The following RNF17 variants were observed in gnomAD, a reference collection of about 807,000 sequenced individuals.
RNF17 encodes spermatogenesis associated 23.
A neutral mutation model predicts 200.5 loss-of-function variants in RNF17; 31 were observed. That is an observed-to-expected ratio of 0.15 (90% CI 0.12 to 0.21). The LOEUF is 0.21. Among genes scored for constraint, RNF17 ranks in the 10% least tolerant of loss-of-function variants. The pLI, the probability that RNF17 is intolerant of heterozygous loss-of-function variation, is 1.00. For missense variants in RNF17, 1,628 were observed against 1,905.1 expected, an observed-to-expected ratio of 0.85 and a Z score of 2.71; for synonymous variants, 606 against 637.8, an observed-to-expected ratio of 0.95 and a Z score of 0.75.
intron 32 of RNF17, among the ~76,000 whole-genome samples, chr13:24,872,693 C>T (rs756243072): frequency 4.5e-4 from 69 of 152,154 alleles, no homozygotes; most frequent in Non-Finnish European, 1.6e-4. Context: ...TGTGTAATGC[C>T]GTAGGATCAC....
At position 24,844,815 on chromosome 13, in the gene RNF17, G is replaced by A. The variant is rs776374501; in HGVS notation, c.2982+13G>A. 3 of 1,605,676 alleles carry A rather than the reference G, an allele frequency of 1.9e-6. No homozygotes were observed. Among genetic ancestry groups the A allele is most frequent in the South Asian group, 1.1e-5 (1 of 89,204 alleles). On this transcript the variant is annotated intron_variant, in intron 21 of 35. Coordinates refer to ENST00000255324, the MANE Select transcript of RNF17 (RefSeq NM_031277.3). ...CACATTGGTAGAGGTAAATTACAGA[G>A]TTAAAAGTGTAATTGTGAAGGTGAA...
chr13:24,853,153 A>G (rs1411327183), intron 24 of RNF17, among the ~76,000 whole-genome samples: 1 of 152,150 alleles, frequency 6.6e-6, no homozygotes, highest in Non-Finnish European at 1.5e-5. Flanking sequence ...ACCTCAGGTG[A>G]TCTTCCTGCC....
chr13:24,860,735 T>G (rs1196393032), intron 26 of RNF17, among the ~76,000 whole-genome samples: 1 of 152,092 alleles, frequency 6.6e-6, no homozygotes, highest in Non-Finnish European at 1.5e-5. Context: ...AAAACCCAGT[T>G]TTTTTTCAAA....
At chr13:24,792,745 A>G (rs1275367641) in intron 9 of RNF17, among the ~76,000 whole-genome samples, 1 of 152,224 alleles carries the variant, frequency 6.6e-6, no homozygotes, top group Non-Finnish European at 1.5e-5. Context: ...CTGATCTGTG[A>G]AGAAGCTAAA....
intron 11 of RNF17, among the ~76,000 whole-genome samples, chr13:24,797,905 T>G (rs1395966641): frequency 2.0e-5 from 3 of 152,112 alleles, no homozygotes; most frequent in African/African-American, 7.2e-5. Context: ...ATTTGATAAC[T>G]ATACAAATAC....
chr13:24,825,483 C>A, intron 15 of RNF17, 136 bp from the exon 16 acceptor site: 1 of 655,448 alleles, frequency 1.5e-6, no homozygotes, highest in Non-Finnish European at 2.5e-6. Flanking sequence ...AAATAAATTA[C>A]GTAACACAAT....
chr13:24,826,376 T>G (rs1010144361), intron 16 of RNF17, among the ~76,000 whole-genome samples: 1 of 152,232 alleles, frequency 6.6e-6, no homozygotes, highest in East Asian at 1.9e-4. Flanking sequence ...CATTACAGAC[T>G]AAGCTTTTGT....
intron 15 of RNF17, among the ~76,000 whole-genome samples, chr13:24,816,305 G>A (rs530553967): frequency 6.6e-6 from 1 of 151,986 alleles, no homozygotes; most frequent in African/African-American, 2.4e-5. Flanking sequence ...TTGTTGCCTT[G>A]GCATCCATTT....
At chr13:24,847,171 T>A (rs1413232915) in intron 22 of RNF17, among the ~76,000 whole-genome samples, 1 of 152,152 alleles carries the variant, frequency 6.6e-6, no homozygotes, top group Admixed American at 6.5e-5. Flanking sequence ...TGATGTGCTT[T>A]ACGTGTGTTA....
chr13:24,798,550 A>C (rs976910693), intron 11 of RNF17, among the ~76,000 whole-genome samples: 1 of 152,184 alleles, frequency 6.6e-6, no homozygotes, highest in African/African-American at 2.4e-5. Flanking sequence ...TTTCCAAAAT[A>C]TGTAGTTTAA....
At chr13:24,816,337 TA>T (rs1363688454) in intron 15 of RNF17, among the ~76,000 whole-genome samples, 1 of 152,236 alleles carries the variant, frequency 6.6e-6, no homozygotes, top group African/African-American at 2.4e-5. Flanking sequence ...ATAAGTTGTT[TA>T]AAACTGAGTT....
chr13:24,879,290 C>T lies in RNF17; in HGVS notation c.*5C>T. The T allele has an allele frequency of 6.3e-7, 1 of 1,582,220 alleles. No homozygotes were observed. Among genetic ancestry groups the T allele is most frequent in the Non-Finnish European group, 8.7e-7 (1 of 1,151,200 alleles). ...CTTGCAGATAAAGATGAATAAGTGC[C>T]TAAGTGTAAGTTCTCATTCTCTTCA... On this transcript the variant is annotated 3_prime_UTR_variant, in exon 35 of 36. Transcript: ENST00000255324.
At chr13:24,888,210 A>C in the RNF17 span, among the ~76,000 whole-genome samples, 1 of 152,170 alleles carries the variant, frequency 6.6e-6, no homozygotes, top group Non-Finnish European at 1.5e-5. Context: ...AAAACCAAAA[A>C]CTATTTTAAA....
chr13:24,797,946 T>C (rs1399410732), intron 11 of RNF17, among the ~76,000 whole-genome samples: 1 of 152,116 alleles, frequency 6.6e-6, no homozygotes, highest in Non-Finnish European at 1.5e-5. Flanking sequence ...ACAAAAGCGC[T>C]CTGTGAATCC....
At position 24,796,535 on chromosome 13, in the gene RNF17, C is replaced by T. The variant is rs186365388; in HGVS notation, c.1399+240C>T. Among the ~76,000 whole-genome samples the T allele has an allele frequency of 4.0e-3, 612 of 152,148 alleles. 4 individuals are homozygous for T. The highest frequency in any genetic ancestry group is 0.016 in the Admixed American group (249 of 15,278). ...ACAGAAACTCCATTATGTAGTAGGG[C>T]GAATTTCTTTTAAAACTACAAGACC... On this transcript the variant is annotated intron_variant, in intron 11 of 35. Coordinates refer to ENST00000255324, the MANE Select transcript of RNF17 (RefSeq NM_031277.3).
At chr13:24,848,536 C>T (rs556825901) in intron 22 of RNF17, among the ~76,000 whole-genome samples, 68 of 152,204 alleles carry the variant, frequency 4.5e-4, no homozygotes, top group Non-Finnish European at 7.5e-4. Flanking sequence ...GTGGCAGGCA[C>T]CTGTCATCCC....
At chr13:24,883,472 C>A, downstream of RNF17, 1 of 842,300 alleles carries the variant, frequency 1.2e-6, no homozygotes, top group Non-Finnish European at 1.8e-6. Context: ...GCAGCTACTT[C>A]TGGAGACATC....
At chr13:24,789,280 A>G in intron 7 of RNF17, 68 bp from the exon 8 acceptor site, 1 of 1,064,428 alleles carries the variant, frequency 9.4e-7, no homozygotes, top group South Asian at 1.4e-5. Flanking sequence ...TTTTCTTTCT[A>G]AAATCTTACT....
At position 24,861,401 on chromosome 13, in the gene RNF17, AATTTGTGGAATGATTAATTTT is replaced by A; in HGVS notation, c.3894+16_3894+36del. The A allele has an allele frequency of 7.0e-7, 1 of 1,431,196 alleles. No individual in the cohort carries two copies. The allele number at this position is 1,431,196 out of a possible 1,614,324, so 88.7% of individuals were successfully genotyped here. ...AATACCACACCTGTGAGTACATAAT[AATTTGTGGAATGATTAATTTT>A]AAATATTAGTTTTTATTAATAATTT... On this transcript the variant is annotated intron_variant, in intron 27 of 35. Coordinates refer to ENST00000255324, the MANE Select transcript of RNF17 (RefSeq NM_031277.3).
Sources: allele counts gnomAD v4.1 joint callset (sites outside exome capture counted in the v4.1 genomes callset), GRCh38; gene constraint gnomAD v4.1.1; transcripts MANE v1.5; gene names NCBI Gene and HGNC (gene_info 2026-07-23, HGNC 2026-07-21).